The following THRB variants were observed in gnomAD, a reference collection of about 807,000 sequenced individuals.
The protein encoded by THRB is nuclear receptor subfamily 1 group A member 2.
In THRB, 12 loss-of-function variants were observed where a neutral mutation model predicts 47.8. That is an observed-to-expected ratio of 0.25 (90% CI 0.16 to 0.41). The LOEUF is 0.41. Ranked by LOEUF, THRB falls within the 10% of genes least tolerant of loss-of-function variation. THRB has a pLI of 1.00. For synonymous variants in THRB, 218 were observed against 212.2 expected (o/e 1.03, Z -0.24); for missense variants, 348 against 589.2 (o/e 0.59, Z 4.24).
At chr3:24,273,766 G>A (rs1447046218) in intron 3 of THRB, among the ~76,000 whole-genome samples, 1 of 152,100 alleles carries the variant, frequency 6.6e-6, no homozygotes, top group African/African-American at 2.4e-5. Flanking sequence ...ACCCATTGCG[G>A]TAGAGCACAA....
intron 3 of THRB, among the ~76,000 whole-genome samples, chr3:24,280,522 C>A (rs1345827329): frequency 6.6e-6 from 1 of 152,148 alleles, no homozygotes; most frequent in Non-Finnish European, 1.5e-5. Context: ...CTCTAAAAAG[C>A]AGAGCGCCTC....
chr3:24,336,177 C>A (rs1216131742), intron 2 of THRB, among the ~76,000 whole-genome samples: 1 of 152,220 alleles, frequency 6.6e-6, no homozygotes, highest in Non-Finnish European at 1.5e-5. Flanking sequence ...GGCTGGTCCT[C>A]TCTAGGGAGG....
At chr3:24,208,430 G>A (rs1052630939) in intron 4 of THRB, among the ~76,000 whole-genome samples, 3 of 152,220 alleles carry the variant, frequency 2.0e-5, no homozygotes, top group Non-Finnish European at 2.9e-5. Context: ...GAGGCATCAC[G>A]CTACCTGGCT....
intron 2 of THRB, among the ~76,000 whole-genome samples, chr3:24,335,735 A>G (rs2062207761): frequency 6.6e-6 from 1 of 152,246 alleles, no homozygotes. Flanking sequence ...GAACTACATA[A>G]AATGAATTAA....
rs747738406 is a variant in THRB at position 24,143,663 on chromosome 3, T to A, written c.576A>T (p.Ile192=). 1 of 1,614,186 alleles carries A rather than the reference T, an allele frequency of 6.2e-7. No homozygotes were observed. Among genetic ancestry groups the A allele is most frequent in the Non-Finnish European group, 8.5e-7 (1 of 1,180,018 alleles). Residue 192 remains isoleucine (I), a synonymous_variant, in exon 8 of 11, where the codon ATA becomes ATT. Transcript: ENST00000646209. ...GCCGTCTTTTCTCCCGGTTCTCCTC[T>A]ATCAGCTTCCTCTTGGCCAGCCTCT... ...DSKRLAKRKL[I]EENREKRRRE... is the part of the protein sequence containing the mutation.
intron 4 of THRB, among the ~76,000 whole-genome samples, chr3:24,193,448 A>G (rs2149640176): frequency 6.6e-6 from 1 of 152,352 alleles, no homozygotes; most frequent in South Asian, 2.1e-4. Flanking sequence ...GTAAGAAAAT[A>G]AATTAGTGAC....
chr3:24,329,867 G>T (rs1197623653), intron 2 of THRB, among the ~76,000 whole-genome samples: 5 of 152,226 alleles, frequency 3.3e-5, no homozygotes, highest in African/African-American at 1.2e-4. Context: ...TTAAAGTGCA[G>T]ATTCTCAGGC....
chr3:24,366,799 T>G lies in THRB; in HGVS notation c.-260-29428A>C, dbSNP rs545366740. Among the ~76,000 whole-genome samples the G allele has an allele frequency of 7.9e-5, 12 of 151,986 alleles. No individual in the cohort carries two copies. The South Asian group carries it at 2.3e-3, about 29-fold the overall frequency. ...CCACACCAGGTTAATTTTTGTATTTTTAGTAGAGATGAAGTTTCACCATGT... is the reference window on the plus strand; with the variant it reads ...CCACACCAGGTTAATTTTTGTATTTGTAGTAGAGATGAAGTTTCACCATGT... On this transcript the variant is annotated intron_variant, in intron 1 of 10. Transcript: ENST00000646209.
At chr3:24,254,413 C>T (rs2051028371) in intron 3 of THRB, among the ~76,000 whole-genome samples, 2 of 150,046 alleles carry the variant, frequency 1.3e-5, no homozygotes, top group Admixed American at 6.7e-5. Flanking sequence ...GAAAAGAAAA[C>T]CAAATTTACC....
At chr3:24,355,983 T>C (rs1448711467) in intron 1 of THRB, among the ~76,000 whole-genome samples, 1 of 152,162 alleles carries the variant, frequency 6.6e-6, no homozygotes, top group Non-Finnish European at 1.5e-5. Flanking sequence ...AAATCAGATA[T>C]GAGTGAGACT....
At chr3:24,361,813 G>C (rs906877402) in intron 1 of THRB, among the ~76,000 whole-genome samples, 1 of 152,086 alleles carries the variant, frequency 6.6e-6, no homozygotes, top group African/African-American at 2.4e-5. Flanking sequence ...CCAATGATGT[G>C]TTGAGTGAAA....
chr3:24,229,041 C>G, intron 3 of THRB, 40 bp from the exon 4 acceptor site: 1 of 1,172,484 alleles, frequency 8.5e-7, no homozygotes, highest in Non-Finnish European at 1.3e-6. Flanking sequence ...AGATTATAAT[C>G]TGCATTTTCC....
intron 1 of THRB, among the ~76,000 whole-genome samples, chr3:24,354,933 C>T (rs1374120116): frequency 6.6e-6 from 1 of 152,072 alleles, no homozygotes; most frequent in Non-Finnish European, 1.5e-5. Flanking sequence ...GAAGGGAAAA[C>T]TCTTCCTCAA....
intron 1 of THRB, among the ~76,000 whole-genome samples, chr3:24,353,713 C>G (rs1219539819): frequency 6.6e-6 from 1 of 151,914 alleles, no homozygotes; most frequent in African/African-American, 2.4e-5. Flanking sequence ...ACAAAGCAAA[C>G]AAAGGAAAGA....
intron 10 of THRB, among the ~76,000 whole-genome samples, chr3:24,123,483 C>T (rs182685882): frequency 4.1e-4 from 62 of 152,262 alleles, no homozygotes; most frequent in African/African-American, 1.3e-3. Flanking sequence ...TGAATTTTCA[C>T]TGGCTGCCTG....
intron 1 of THRB, among the ~76,000 whole-genome samples, chr3:24,395,922 T>C (rs2066925659): frequency 6.6e-6 from 1 of 152,110 alleles, no homozygotes; most frequent in South Asian, 2.1e-4. Context: ...TCCGTTTATA[T>C]GGAATATCCA....
chr3:24,435,815 C>T (rs1380348863), intron 1 of THRB, among the ~76,000 whole-genome samples: 2 of 152,162 alleles, frequency 1.3e-5, no homozygotes, highest in African/African-American at 2.4e-5. Flanking sequence ...GCAGATGCAA[C>T]GTTGGCCTCC....
intron 5 of THRB, among the ~76,000 whole-genome samples, chr3:24,172,319 C>T (rs572188300): frequency 2.0e-4 from 31 of 152,102 alleles, no homozygotes; most frequent in African/African-American, 6.5e-4. Context: ...GGAAAGCTGC[C>T]GGCCAGAAGA....
In THRB at chr3:24,262,341, A is replaced by ATGCT. The variant is rs1393286399; in HGVS notation, c.-42-33341_-42-33340insAGCA. Among the ~76,000 whole-genome samples the ATGCT allele has an allele frequency of 3.3e-5, 5 of 152,238 alleles. No homozygotes were observed. The South Asian group carries it at 8.3e-4, about 25-fold the overall frequency. ...CCCAACATTTTATTCTCAACATAGC[A>ATGCT]GCCAGAGGTAGTCTTTTTAAAACAT... is the stretch of plus-strand genomic sequence containing the variant. On this transcript the variant is annotated intron_variant, in intron 3 of 10. Coordinates refer to ENST00000646209, the MANE Select transcript of THRB (RefSeq NM_001354712.2).
Sources: allele counts gnomAD v4.1 joint callset (sites outside exome capture counted in the v4.1 genomes callset), GRCh38; gene constraint gnomAD v4.1.1; transcripts MANE v1.5; gene names NCBI Gene and HGNC (gene_info 2026-07-23, HGNC 2026-07-21).